VPS13B: variants seen among roughly 807,000 people sequenced by gnomAD.
The protein encoded by VPS13B is vacuolar protein sorting 13 homolog B, also known as intermembrane lipid transfer protein VPS13B.
In VPS13B, 285 loss-of-function variants were observed where a neutral mutation model predicts 426.4. The observed-to-expected ratio is 0.67, with a 90% CI of 0.61 to 0.74. The LOEUF is 0.74. VPS13B is among the 30% of genes least tolerant of loss of function. The pLI, the probability that VPS13B is intolerant of heterozygous loss-of-function variation, is 0.00. For missense variants in VPS13B, 4,537 were observed against 4,782.6 expected (o/e 0.95, Z 1.51); for synonymous variants, 1,676 against 1,676.4 (o/e 1.00, Z 0.01).
chr8:99,140,700 CCTCCTT>C (rs1254263461), intron 12 of VPS13B, among the ~76,000 whole-genome samples: 23 of 148,222 alleles, frequency 1.6e-4, no homozygotes, highest in Admixed American at 2.0e-4. Flanking sequence ...TCCTCCTCCT[CCTCCTT>C]CTCCTTCTTT....
At position 99,803,302 on chromosome 8, in the gene VPS13B, G is replaced by A. The variant is rs557786149; in HGVS notation, c.7942-6073G>A. ...GTTTCATGCTAATTGCACAGTATTT[G>A]TGGCCTTCAGTTAATTCAGATAATC... On this transcript the variant is annotated intron_variant, in intron 43 of 61. Coordinates refer to ENST00000357162, the MANE Select transcript of VPS13B (RefSeq NM_152564.5). 2.0e-5 allele frequency among the ~76,000 whole-genome samples: 3 copies of A among 152,212 alleles called. No individual in the cohort carries two copies. The East Asian group carries it at 5.8e-4, about 29-fold the overall frequency.
chr8:99,052,989 G>A (rs1026569383), intron 3 of VPS13B, among the ~76,000 whole-genome samples: 1 of 151,938 alleles, frequency 6.6e-6, no homozygotes, highest in Non-Finnish European at 1.5e-5. Context: ...CCAGCTGCTG[G>A]ATTCATTGAT....
At chr8:99,819,723 G>A in intron 48 of VPS13B, 141 bp downstream of exon 48, 1 of 1,235,546 alleles carries the variant, frequency 8.1e-7, no homozygotes, top group Non-Finnish European at 1.1e-6. Flanking sequence ...GGTGTATTTT[G>A]TAGATTTCTT....
At chr8:99,708,008 A>G (rs1832557397) in intron 36 of VPS13B, among the ~76,000 whole-genome samples, 1 of 152,278 alleles carries the variant, frequency 6.6e-6, no homozygotes, top group Admixed American at 6.5e-5. Context: ...ATGTAACTTA[A>G]CTTTTTTAAA....
intron 21 of VPS13B, among the ~76,000 whole-genome samples, chr8:99,418,248 G>A (rs1055474401): frequency 2.0e-5 from 3 of 151,900 alleles, no homozygotes; most frequent in African/African-American, 7.2e-5. Context: ...GAAATTAGGG[G>A]ATAGTTTAAT....
At chr8:99,520,862 C>G in intron 29 of VPS13B, 37 bp from the exon 30 acceptor site, 6 of 1,532,304 alleles carry the variant, frequency 3.9e-6, no homozygotes, top group Non-Finnish European at 5.4e-6. Flanking sequence ...ATGTACAGAT[C>G]CACAGTGTAT....
At chr8:99,659,179 T>G (rs1830131246) in intron 34 of VPS13B, among the ~76,000 whole-genome samples, 1 of 152,152 alleles carries the variant, frequency 6.6e-6, no homozygotes, top group Non-Finnish European at 1.5e-5. Context: ...ATTTGAAGAT[T>G]TGTTTCTTTA....
intron 39 of VPS13B, among the ~76,000 whole-genome samples, chr8:99,750,863 G>C (rs934533921): frequency 2.6e-5 from 4 of 152,136 alleles, no homozygotes; most frequent in African/African-American, 2.4e-5. Flanking sequence ...TTTTTTGTCA[G>C]AGGTGTAGTG....
chr8:99,648,026 TTACATCTTCCC>T (rs1829662708), intron 34 of VPS13B, among the ~76,000 whole-genome samples: 1 of 152,218 alleles, frequency 6.6e-6, no homozygotes, highest in African/African-American at 2.4e-5. Flanking sequence ...GCTTTTAAAA[TTACATCTTCCC>T]TCCTGTCTTA....
intron 17 of VPS13B, among the ~76,000 whole-genome samples, chr8:99,247,947 G>A (rs1026080605): frequency 1.3e-5 from 2 of 152,066 alleles, no homozygotes; most frequent in South Asian, 2.1e-4. Flanking sequence ...TATTCCACAA[G>A]GGAGGAAAAC....
At chr8:99,078,762 G>T (rs760891722) in intron 3 of VPS13B, among the ~76,000 whole-genome samples, 2 of 152,052 alleles carry the variant, frequency 1.3e-5, no homozygotes, top group Non-Finnish European at 2.9e-5. Flanking sequence ...CCAACCATTG[G>T]GTCTCCAGTG....
intron 31 of VPS13B, among the ~76,000 whole-genome samples, chr8:99,559,503 T>A (rs1271061507): frequency 2.0e-5 from 3 of 152,148 alleles, no homozygotes; most frequent in African/African-American, 4.8e-5. Flanking sequence ...CTGAATGGTA[T>A]TGCCTAGGTT....
intron 31 of VPS13B, among the ~76,000 whole-genome samples, chr8:99,558,030 A>T (rs2133768086): frequency 6.6e-6 from 1 of 152,262 alleles, no homozygotes; most frequent in African/African-American, 2.4e-5. Context: ...TGAAGACTTC[A>T]TTGTATGCCT....
intron 43 of VPS13B, 117 bp downstream of exon 43, chr8:99,784,593 G>T: frequency 7.3e-7 from 1 of 1,362,170 alleles, no homozygotes; most frequent in Non-Finnish European, 1.0e-6. Context: ...ACCACACAGC[G>T]TAGCTACATC....
At chr8:99,860,310 A>G (rs1405051032) in intron 57 of VPS13B, among the ~76,000 whole-genome samples, 2 of 152,310 alleles carry the variant, frequency 1.3e-5, no homozygotes, top group African/African-American at 4.8e-5. Context: ...AGCCAGAGTC[A>G]TAAAAACAAA....
At chr8:99,458,292 C>T (rs564330000) in intron 23 of VPS13B, among the ~76,000 whole-genome samples, 46 of 152,180 alleles carry the variant, frequency 3.0e-4, no homozygotes, top group African/African-American at 1.1e-3. Flanking sequence ...GTATATGTGC[C>T]ACATTTTCTT....
chr8:99,283,760 G>A (rs1427494493), intron 19 of VPS13B, among the ~76,000 whole-genome samples: 2 of 152,230 alleles, frequency 1.3e-5, no homozygotes, highest in African/African-American at 4.8e-5. Context: ...AAGATGTTAC[G>A]CATAAAAGTA....
At chr8:99,236,117 C>T (rs1816631778) in intron 17 of VPS13B, among the ~76,000 whole-genome samples, 1 of 152,176 alleles carries the variant, frequency 6.6e-6, no homozygotes, top group Non-Finnish European at 1.5e-5. Context: ...GCTGATGCTT[C>T]AAAGCACTAC....
At chr8:99,496,698 G>A (rs1820903650) in intron 25 of VPS13B, among the ~76,000 whole-genome samples, 1 of 151,786 alleles carries the variant, frequency 6.6e-6, no homozygotes, top group South Asian at 2.1e-4. Flanking sequence ...TTCATGACAA[G>A]TAAACAAAGC....
Sources: allele counts gnomAD v4.1 joint callset (sites outside exome capture counted in the v4.1 genomes callset), GRCh38; gene constraint gnomAD v4.1.1; transcripts MANE v1.5; gene names NCBI Gene and HGNC (gene_info 2026-07-23, HGNC 2026-07-21).